Variants in PMP22 observed in about 807,000 individuals in gnomAD.
PMP22 encodes Charcot-Marie-Tooth neuropathy 1A (greatly reduced nerve conduction velocity, hereditary motor sensory neuropathy Ia).
In PMP22, 2 loss-of-function variants were observed where a neutral mutation model predicts 18.9. That is an observed-to-expected ratio of 0.11 (90% confidence interval 0.04 to 0.33). The LOEUF (loss-of-function observed/expected upper bound fraction) is 0.33. Ranked by LOEUF, PMP22 falls within the 10% of genes least tolerant of loss-of-function variation. The probability of loss-of-function intolerance (pLI) is 1.00; values close to 1 mark genes in which losing one functional copy is unlikely to be tolerated. For missense variants in PMP22, 169 were observed against 202.2 expected (o/e 0.84, Z 1.00); for synonymous variants, 95 against 89.2 (o/e 1.07, Z -0.37).
At chr17:15,238,243 T>C (rs1906979374) in intron 4 of PMP22, among the ~76,000 whole-genome samples, 4 of 152,198 alleles carry the variant, frequency 2.6e-5, no homozygotes, top group Admixed American at 2.0e-4. Flanking sequence ...TTTGAGTGTT[T>C]AATGAGAAGT....
At chr17:15,231,231 T>A in intron 4 of PMP22, 151 bp from the exon 5 acceptor site, 1 of 800,856 alleles carries the variant, frequency 1.2e-6, no homozygotes, top group Non-Finnish European at 2.1e-6. Context: ...TGAAAGGAGG[T>A]AGCACAAAAA....
chr17:15,240,297 A>T (rs1907208811), intron 3 of PMP22, among the ~76,000 whole-genome samples: 2 of 152,294 alleles, frequency 1.3e-5, no homozygotes, highest in Admixed American at 1.3e-4. Flanking sequence ...AGATCACGGG[A>T]ATGGCTGTTA....
rs999382365 is a variant in PMP22, at chr17:15,258,845, G to A, written c.178+249C>T. The A allele has an allele frequency of 1.3e-5, 7 of 549,924 alleles. No individual in the cohort carries two copies. The African/African-American group carries it at 1.3e-4, about 10-fold the overall frequency. 34.1% of individuals were successfully genotyped at this position (549,924 alleles called of 1,614,324 possible). On this transcript the variant is annotated intron_variant, in intron 3 of 4. Coordinates refer to ENST00000312280, the MANE Select transcript of PMP22 (RefSeq NM_000304.4). The surrounding 1 kb of genome is among the most constrained non-coding windows in gnomAD (Gnocchi z 4.1). ...TCAATCACAAAAAGCATTATCCTAA[G>A]TGATCAGGAGGGCACTAAGGGCATG...
Position 15,259,076 on chromosome 17 carries a change from G to A in PMP22, c.178+18C>T. ...AGGCGTCTGAGGACAAGCTCATGGAGCACAAAACCAGCCTCACCGTTTGGT... is the reference window on the plus strand; with the variant it reads ...AGGCGTCTGAGGACAAGCTCATGGAACACAAAACCAGCCTCACCGTTTGGT... On this transcript the variant is annotated intron_variant, in intron 3 of 4. Coordinates refer to ENST00000312280, the MANE Select transcript of PMP22 (RefSeq NM_000304.4). The A allele has an allele frequency of 1.3e-6, 2 of 1,569,956 alleles. No individual in the cohort carries two copies. The highest frequency in any genetic ancestry group is 1.3e-5 in the African/African-American group (1 of 74,234).
At chr17:15,247,347 C>T (rs145740376) in intron 3 of PMP22, among the ~76,000 whole-genome samples, 2,821 of 152,168 alleles carry the variant, frequency 0.019, 82 homozygotes, top group African/African-American at 0.065. Flanking sequence ...CCAGCCTGGG[C>T]GACAGAGCGA....
chr17:15,265,019 GTCA>G (rs1909614770), intron 1 of PMP22, 132 bp downstream of exon 1: 1 of 152,148 alleles, frequency 6.6e-6, no homozygotes, highest in African/African-American at 2.4e-5. Context: ...TGAATCTCCA[GTCA>G]ATTCCAACAC....
intron 3 of PMP22, among the ~76,000 whole-genome samples, chr17:15,248,629 C>G (rs1054883294): frequency 6.6e-6 from 1 of 151,940 alleles, no homozygotes; most frequent in East Asian, 1.9e-4. Context: ...TTGGAAAACT[C>G]TAGAAACAGG....
intron 4 of PMP22, among the ~76,000 whole-genome samples, chr17:15,233,581 G>T (rs911482818): frequency 6.6e-6 from 1 of 152,312 alleles, no homozygotes; most frequent in East Asian, 1.9e-4. Flanking sequence ...GTAGCTGAGG[G>T]AATTCCCAGT....
chr17:15,265,109 A>G (rs1031653457), intron 1 of PMP22, 45 bp downstream of exon 1: 3 of 152,178 alleles, frequency 2.0e-5, no homozygotes, highest in East Asian at 1.9e-4. Context: ...CTTGTAAAGC[A>G]TAGGCACACA....
At chr17:15,232,106 C>T (rs1484325969) in intron 4 of PMP22, among the ~76,000 whole-genome samples, 1 of 151,976 alleles carries the variant, frequency 6.6e-6, no homozygotes. Context: ...TCATGCAGTT[C>T]CAGAGTTCCC....
chr17:15,256,852 G>T (rs149182807), intron 3 of PMP22, among the ~76,000 whole-genome samples: 1 of 152,226 alleles, frequency 6.6e-6, no homozygotes, highest in African/African-American at 2.4e-5. Flanking sequence ...TGGAGGATTC[G>T]CCACTTAAGG....
At chr17:15,247,428 T>C (rs932619420) in intron 3 of PMP22, among the ~76,000 whole-genome samples, 1 of 152,114 alleles carries the variant, frequency 6.6e-6, no homozygotes, top group African/African-American at 2.4e-5. Flanking sequence ...GTTCTGAGAG[T>C]GTCCGGTATA....
At chr17:15,256,681 A>AT (rs1052644683) in intron 3 of PMP22, among the ~76,000 whole-genome samples, 4 of 147,892 alleles carry the variant, frequency 2.7e-5, no homozygotes, top group East Asian at 3.8e-4. Context: ...CTTAACAAGT[A>AT]TTTTTTTTCA....
chr17:15,262,604 T>C (rs961590649), intron 1 of PMP22: 3 of 152,270 alleles, frequency 2.0e-5, no homozygotes, highest in Middle Eastern at 3.4e-3. Context: ...CCTGTTTGCG[T>C]CGCTGCAGTA....
chr17:15,255,451 G>T (rs1295553182), intron 3 of PMP22, among the ~76,000 whole-genome samples: 2 of 152,020 alleles, frequency 1.3e-5, no homozygotes, highest in African/African-American at 2.4e-5. Flanking sequence ...GCAGCCTTTT[G>T]TTTCCTGAAG....
At chr17:15,263,583 G>GCACACACACACACACACACA (rs3028206) in intron 1 of PMP22, among the ~76,000 whole-genome samples, 1 of 149,942 alleles carries the variant, frequency 6.7e-6, no homozygotes, top group African/African-American at 2.5e-5. Context: ...GCACGCGCGC[G>GCACACACACACACACACACA]CACACACACA....
intron 3 of PMP22, among the ~76,000 whole-genome samples, chr17:15,252,266 C>T (rs557698461): frequency 1.3e-5 from 2 of 152,196 alleles, no homozygotes; most frequent in East Asian, 1.9e-4. Context: ...TTGAAGACAG[C>T]GATGATAGGA....
intron 4 of PMP22, chr17:15,235,232 C>T (rs1408327358): frequency 1.4e-6 from 1 of 717,484 alleles, no homozygotes; most frequent in Non-Finnish European, 2.6e-6. Flanking sequence ...GGAGTCCCCT[C>T]TATTCTTTCT....
intron 4 of PMP22, 53 bp from the exon 5 acceptor site, chr17:15,231,133 C>A: frequency 6.4e-7 from 1 of 1,551,808 alleles, no homozygotes; most frequent in South Asian, 1.1e-5. Context: ...GCAGAGCGGC[C>A]CCCTCTCCGC....
Sources: gnomAD v4.1 joint callset for allele counts (sites outside exome capture counted in the v4.1 genomes callset) on GRCh38, gnomAD v4.1.1 for gene constraint, Gnocchi (gnomAD v3.1) non-coding constraint, MANE v1.5 for transcripts, NCBI Gene and HGNC (gene_info 2026-07-23, HGNC 2026-07-21) for gene names.